Variants in DYNC2H1 observed in about 807,000 individuals in gnomAD.
DYNC2H1 encodes the protein dynein cytoplasmic 2 heavy chain 1.
A neutral mutation model predicts 570.0 loss-of-function variants in DYNC2H1; 410 were observed. The observed-to-expected ratio is 0.72, with a 90% CI of 0.66 to 0.78. DYNC2H1 has a LOEUF of 0.78. Ranked by LOEUF, DYNC2H1 falls within the 30% of genes least tolerant of loss-of-function variation. The pLI is 0.00. For missense variants in DYNC2H1, 4,865 were observed against 5,046.4 expected (o/e 0.96, Z 1.09); for synonymous variants, 1,688 against 1,677.6 (o/e 1.01, Z -0.15).
chr11:103,301,734 T>C (rs1321701036), intron 75 of DYNC2H1, among the ~76,000 whole-genome samples: 2 of 151,956 alleles, frequency 1.3e-5, no homozygotes, highest in African/African-American at 4.8e-5. Flanking sequence ...GCGTGAAATG[T>C]ACCTTTTCTG....
intron 87 of DYNC2H1, among the ~76,000 whole-genome samples, chr11:103,463,518 G>A (rs548399292): frequency 2.6e-5 from 4 of 152,178 alleles, no homozygotes; most frequent in Non-Finnish European, 5.9e-5. Context: ...GGGAGGCTGA[G>A]GCAAGCAGAT....
At chr11:103,255,113 T>C (rs1309840095) in intron 66 of DYNC2H1, among the ~76,000 whole-genome samples, 2 of 152,166 alleles carry the variant, frequency 1.3e-5, no homozygotes, top group Non-Finnish European at 2.9e-5. Context: ...AAAAAAATAG[T>C]AATCTCATAA....
intron 84 of DYNC2H1, among the ~76,000 whole-genome samples, chr11:103,413,763 A>C (rs1164297208): frequency 6.6e-6 from 1 of 152,158 alleles, no homozygotes; most frequent in African/African-American, 2.4e-5. Context: ...TTATAATGTA[A>C]ATCAATTTTT....
chr11:103,365,550 G>T (rs1459418433), intron 83 of DYNC2H1, among the ~76,000 whole-genome samples: 1 of 152,090 alleles, frequency 6.6e-6, no homozygotes, highest in Admixed American at 6.5e-5. Context: ...TACATTTTTT[G>T]ATCAGATTGA....
At position 103,407,328 on chromosome 11, in the gene DYNC2H1, G is replaced by C. The variant is rs1051994632; in HGVS notation, c.12366+7456G>C. The C allele has an allele frequency of 2.0e-4, 30 of 151,806 alleles. 1 individual carries two copies. The highest frequency in any genetic ancestry group is 7.0e-4 in the African/African-American group (29 of 41,380). 9.4% of individuals were successfully genotyped at this position (151,806 alleles called of 1,614,324 possible). ...CCTTACTTTAGGACATCGCGTAATAGGTAGCACAGACAATTTTGGATTCTC... is the reference window on the plus strand; with the variant it reads ...CCTTACTTTAGGACATCGCGTAATACGTAGCACAGACAATTTTGGATTCTC... On this transcript the variant is annotated intron_variant, in intron 84 of 88. Transcript: ENST00000375735.
chr11:103,148,402 T>C, intron 19 of DYNC2H1, 88 bp from the exon 20 acceptor site: 1 of 1,379,262 alleles, frequency 7.3e-7, no homozygotes, highest in Non-Finnish European at 9.9e-7. Context: ...ACTGATTACT[T>C]CTACCACCCC....
rs1020527210 is a variant in DYNC2H1, at chr11:103,319,220, A to G, written c.11726-1809A>G. Among the ~76,000 whole-genome samples, 1 of 152,164 alleles carries G rather than the reference A, an allele frequency of 6.6e-6. No individual in the cohort carries two copies. The highest frequency in any genetic ancestry group is 1.5e-5 in the Non-Finnish European group (1 of 67,994). On this transcript the variant is annotated intron_variant, in intron 80 of 88. Transcript: ENST00000375735. This position sits in a 1 kb window ranked among gnomAD's most constrained non-coding sequence, Gnocchi z 4.3. ...ATATAAATAGGTATCTTACACCATTATGTTTTGAATAAAAGGCAGATGCTC... is the reference window on the plus strand; with the variant it reads ...ATATAAATAGGTATCTTACACCATTGTGTTTTGAATAAAAGGCAGATGCTC...
At chr11:103,302,508 T>C (rs892225218) in intron 75 of DYNC2H1, among the ~76,000 whole-genome samples, 9 of 152,120 alleles carry the variant, frequency 5.9e-5, no homozygotes, top group African/African-American at 1.9e-4. Context: ...AACTGACAGC[T>C]ATGTACTTCT....
Position 103,133,852 on chromosome 11 carries a change from C to G in DYNC2H1, c.2106+145C>G, listed in dbSNP as rs1859395570. 1 of 871,090 alleles carries G rather than the reference C, an allele frequency of 1.1e-6. No homozygotes were observed. Among genetic ancestry groups the G allele is most frequent in the Non-Finnish European group, 1.7e-6 (1 of 597,998 alleles). 54.0% of individuals were successfully genotyped at this position (871,090 alleles called of 1,614,324 possible). On this transcript the variant is annotated intron_variant, in intron 14 of 88. Coordinates refer to ENST00000375735, the MANE Select transcript of DYNC2H1 (RefSeq NM_001377.3). This position sits in a 1 kb window ranked among gnomAD's most constrained non-coding sequence, Gnocchi z 4.8. Reference sequence around the variant, plus strand: ...CAGAGAAATCACAATTCCCATTTGCCCAAATTCCCTGTTGTTAACAACTTA... The same window carrying G: ...CAGAGAAATCACAATTCCCATTTGCGCAAATTCCCTGTTGTTAACAACTTA...
At chr11:103,111,273 A>G (rs1858099869) in intron 1 of DYNC2H1, among the ~76,000 whole-genome samples, 1 of 152,250 alleles carries the variant, frequency 6.6e-6, no homozygotes, top group Non-Finnish European at 1.5e-5. Context: ...ACAAAGATAT[A>G]AAAAGGATGG....
At chr11:103,146,436 A>G (rs1178397387) in intron 18 of DYNC2H1, among the ~76,000 whole-genome samples, 1 of 152,210 alleles carries the variant, frequency 6.6e-6, no homozygotes, top group East Asian at 1.9e-4. Flanking sequence ...ATAATTACTC[A>G]TTTAAAAACT....
intron 83 of DYNC2H1, 46 bp from the exon 84 acceptor site, chr11:103,399,617 T>C: frequency 7.4e-7 from 1 of 1,346,428 alleles, no homozygotes. Flanking sequence ...TATATATCAG[T>C]GATCTGTGTT....
chr11:103,356,787 G>C (rs1940365503), intron 82 of DYNC2H1, among the ~76,000 whole-genome samples: 1 of 152,178 alleles, frequency 6.6e-6, no homozygotes, highest in Admixed American at 6.5e-5. Flanking sequence ...GATTATTGAT[G>C]TTTAACAGTT....
intron 84 of DYNC2H1, among the ~76,000 whole-genome samples, chr11:103,417,288 CAG>C (rs1491458819): frequency 6.6e-6 from 1 of 150,792 alleles, no homozygotes; most frequent in Non-Finnish European, 1.5e-5. Flanking sequence ...CCATGTTGGT[CAG>C]GGGGGTTTCA....
rs1863606515 is a variant in DYNC2H1 at position 103,222,008 on chromosome 11, A to G, written c.9108-22A>G. On this transcript the variant is annotated intron_variant, in intron 57 of 88. Transcript: ENST00000375735. The stretch of plus-strand genomic sequence containing the variant: ...AGCAAATTTTATTTAGCCTCATTTA[A>G]GGAAATATGCTTTAATTTTAGTTTC... 1.9e-6 allele frequency: 3 copies of G among 1,600,648 alleles called. No individual in the cohort carries two copies. The East Asian group carries it at 6.7e-5, about 36-fold the overall frequency.
chr11:103,398,745 T>C (rs1014265536), intron 83 of DYNC2H1, among the ~76,000 whole-genome samples: 3 of 151,764 alleles, frequency 2.0e-5, no homozygotes, highest in Admixed American at 6.6e-5. Flanking sequence ...AAAGTGATTT[T>C]TTTTCTCTTA....
chr11:103,182,766 T>C (rs1355795210), intron 40 of DYNC2H1, among the ~76,000 whole-genome samples: 5 of 151,948 alleles, frequency 3.3e-5, no homozygotes, highest in Non-Finnish European at 7.4e-5. Flanking sequence ...GCAGTGAGTT[T>C]TTTGAAAGTA....
intron 47 of DYNC2H1, among the ~76,000 whole-genome samples, chr11:103,193,694 C>G (rs752476787): frequency 4.1e-4 from 63 of 151,930 alleles, no homozygotes; most frequent in Non-Finnish European, 8.1e-4. Flanking sequence ...CAGGCATGTG[C>G]CACCACGCCC....
intron 30 of DYNC2H1, among the ~76,000 whole-genome samples, chr11:103,165,273 A>T (rs1200509222): frequency 6.6e-6 from 1 of 152,110 alleles, no homozygotes; most frequent in African/African-American, 2.4e-5. Flanking sequence ...AATTACAGGC[A>T]TGTGCCACCA....
Sources: allele counts gnomAD v4.1 joint callset (sites outside exome capture counted in the v4.1 genomes callset), GRCh38; gene constraint gnomAD v4.1.1; non-coding constraint Gnocchi (gnomAD v3.1); transcripts MANE v1.5; gene names NCBI Gene and HGNC (gene_info 2026-07-23, HGNC 2026-07-21).